USP42: variants seen among roughly 807,000 people sequenced by gnomAD.
USP42 encodes ubiquitin carboxyl-terminal hydrolase 42.
A neutral mutation model predicts 113.0 loss-of-function variants in USP42; 23 were observed. The observed-to-expected ratio is 0.20, with a 90% CI of 0.15 to 0.29. The LOEUF is 0.29. Among genes scored for constraint, USP42 ranks in the 10% least tolerant of loss-of-function variants. The probability of loss-of-function intolerance (pLI) is 1.00; values close to 1 mark genes in which losing one functional copy is unlikely to be tolerated. For synonymous variants in USP42, 933 were observed against 699.0 expected (o/e 1.33, Z -5.28); for missense variants, 2,174 against 1,779.8 (o/e 1.22, Z -3.99).
rs747536571 is a variant in USP42, at chr7:6,115,529, T to C, written c.442+6T>C. On this transcript the variant is annotated splice_donor_region_variant and intron_variant, in intron 3 of 17. Transcript: ENST00000306177. ...ACATGAACACTCCAAAACATGTAAG[T>C]GTTCCGTGTTGTGTTTGTAGTATTG... The C allele has an allele frequency of 5.6e-6, 9 of 1,613,904 alleles. No individual in the cohort carries two copies. Among genetic ancestry groups the C allele is most frequent in the Non-Finnish European group, 7.6e-6 (9 of 1,179,802 alleles).
chr7:6,161,189 A>AGTAT lies in USP42; in HGVS notation c.*674_*677dup, dbSNP rs1468906755. 1 of 152,660 alleles carries AGTAT rather than the reference A, an allele frequency of 6.6e-6. No individual in the cohort carries two copies. The highest frequency in any genetic ancestry group is 1.5e-5 in the Non-Finnish European group (1 of 68,048). 9.5% of individuals were successfully genotyped at this position (152,660 alleles called of 1,614,324 possible). On this transcript the variant is annotated 3_prime_UTR_variant, in exon 18 of 18. Transcript: ENST00000306177. ...CCCAGACATGATTTGTAAAGCCGAC[A>AGTAT]GTATGTTTCTATTACACAACACTTT...
rs777736697 is a variant in USP42, at chr7:6,154,452, C to T, written c.2898C>T (p.Ala966=). The change falls in exon 15 of 18, where the codon GCC becomes GCT. Residue 966 remains alanine, a synonymous_variant. Transcript: ENST00000306177. ...RRERSSSGEP[A]RESRSKTEGH... ...AGCGCTCGTCCAGCGGGGAGCCCGC[C>T]AGAGAGAGCAGGAGCAAGACTGAGG... 1 of 1,564,836 alleles carries T rather than the reference C, an allele frequency of 6.4e-7. No homozygotes were observed.
the USP42 span, chr7:6,088,678 A>T: frequency 6.6e-6 from 1 of 151,338 alleles, no homozygotes; most frequent in Non-Finnish European, 1.5e-5. Flanking sequence ...TTTCACCATT[A>T]GAATCTCCCT....
intron 3 of USP42, among the ~76,000 whole-genome samples, chr7:6,132,863 G>A (rs570786580): frequency 1.3e-5 from 2 of 152,104 alleles, no homozygotes; most frequent in Admixed American, 6.6e-5. Context: ...TAGTAGAGAC[G>A]GGGTTTCACC....
Position 6,140,068 on chromosome 7 carries a change from T to C in USP42, c.657-60T>C. The stretch of plus-strand genomic sequence containing the variant: ...GAGCTCCCATGTGTTTGAAATCTGG[T>C]CACAGCATCTGGAGTTTTTGCAAAG... On this transcript the variant is annotated intron_variant, in intron 5 of 17. Coordinates refer to ENST00000306177, the MANE Select transcript of USP42 (RefSeq NM_032172.3). 5 of 1,454,090 alleles carry C rather than the reference T, an allele frequency of 3.4e-6. No individual in the cohort carries two copies. The South Asian group carries it at 5.7e-5, about 17-fold the overall frequency. The allele number at this position is 1,454,090 out of a possible 1,614,324, so 90.1% of individuals were successfully genotyped here.
At chr7:6,146,107 A>G in intron 10 of USP42, 41 bp from the exon 11 acceptor site, 1 of 1,358,392 alleles carries the variant, frequency 7.4e-7, no homozygotes, top group Non-Finnish European at 1.0e-6. Flanking sequence ...TCCATGTTTA[A>G]TTAAATCTAA....
At chr7:6,133,615 G>T (rs1329672684) in intron 3 of USP42, among the ~76,000 whole-genome samples, 3 of 151,246 alleles carry the variant, frequency 2.0e-5, no homozygotes, top group Admixed American at 2.0e-4. Flanking sequence ...GCTGGGCTCA[G>T]GTGGTCCTCC....
At chr7:6,144,738 C>G (rs1781612800) in intron 9 of USP42, among the ~76,000 whole-genome samples, 1 of 151,920 alleles carries the variant, frequency 6.6e-6, no homozygotes, top group African/African-American at 2.4e-5. Context: ...GGTGTGGTGG[C>G]AGGCACTTGT....
At chr7:6,108,317 C>A (rs10261466) in intron 1 of USP42, among the ~76,000 whole-genome samples, 1 of 151,892 alleles carries the variant, frequency 6.6e-6, no homozygotes, top group Non-Finnish European at 1.5e-5. Flanking sequence ...GCAGGAGGAT[C>A]GTTTGAGGCC....
chr7:6,152,541 G>C (rs1782133150), intron 14 of USP42, among the ~76,000 whole-genome samples: 1 of 151,868 alleles, frequency 6.6e-6, no homozygotes, highest in Non-Finnish European at 1.5e-5. Context: ...TCTGTTAGGA[G>C]GGCGTAGATA....
At chr7:6,147,672 T>C (rs1336830400) in intron 11 of USP42, 67 bp from the exon 12 acceptor site, 1 of 1,485,620 alleles carries the variant, frequency 6.7e-7, no homozygotes. Context: ...TGCTGTTGAC[T>C]TTGTAAATGA....
At position 6,145,607 on chromosome 7, in the gene USP42, T is replaced by C; in HGVS notation, c.1082T>C (p.Val361Ala). Reference sequence around the variant, plus strand: ...GTCTACGTCTTGTATGCAGTGCTGGTCCACACTGGTTTTAATTGCCATGCT... The same window carrying C: ...GTCTACGTCTTGTATGCAGTGCTGGCCCACACTGGTTTTAATTGCCATGCT... ...PIVYVLYAVL[V>A]HTGFNCHAGH... The change falls in exon 10 of 18, where the codon GTC becomes GCC. Residue 361 changes from valine (V) to alanine (A), a missense_variant. By Grantham distance (64) the Val-to-Ala change is moderately conservative (BLOSUM62 0). Coordinates refer to ENST00000306177, the MANE Select transcript of USP42 (RefSeq NM_032172.3). 6.2e-7 allele frequency: 1 copy of C among 1,614,026 alleles called. No homozygotes were observed. The highest frequency in any genetic ancestry group is 8.5e-7 in the Non-Finnish European group (1 of 1,179,884).
intron 1 of USP42, among the ~76,000 whole-genome samples, chr7:6,107,559 G>A (rs1379665531): frequency 2.6e-5 from 4 of 151,704 alleles, no homozygotes; most frequent in African/African-American, 7.3e-5. Flanking sequence ...ACAGGCATGC[G>A]CCACCACGCC....
chr7:6,097,518 C>T, the USP42 span, among the ~76,000 whole-genome samples: 1 of 150,534 alleles, frequency 6.6e-6, no homozygotes, highest in African/African-American at 2.5e-5. Context: ...GTGATCCTCC[C>T]AGTTCAGTCT....
intron 3 of USP42, among the ~76,000 whole-genome samples, chr7:6,132,452 G>C (rs1257924566): frequency 6.6e-6 from 1 of 151,836 alleles, no homozygotes; most frequent in African/African-American, 2.4e-5. Flanking sequence ...CTGCCTCCCA[G>C]GTTCAAGTGA....
chr7:6,121,339 C>A (rs1439857988), intron 3 of USP42, among the ~76,000 whole-genome samples: 3 of 152,188 alleles, frequency 2.0e-5, no homozygotes, highest in African/African-American at 7.2e-5. Flanking sequence ...ACCAACCTTG[C>A]ATTCCTGAGA....
chr7:6,157,097 C>T lies in USP42; in HGVS notation c.3943+42C>T, dbSNP rs748018064. On this transcript the variant is annotated intron_variant, in intron 16 of 17. Coordinates refer to ENST00000306177, the MANE Select transcript of USP42 (RefSeq NM_032172.3). The surrounding 1 kb of genome is among the most constrained non-coding windows in gnomAD (Gnocchi z 4.1). ...GGAATTAGGAAGATAGAAACTATTT[C>T]TTAATACATTTTCTTTGCAAAGGTG... The T allele has an allele frequency of 2.6e-6, 4 of 1,512,352 alleles. No homozygotes were observed. Among genetic ancestry groups the T allele is most frequent in the Middle Eastern group, 1.8e-4 (1 of 5,698 alleles). The allele number at this position is 1,512,352 out of a possible 1,614,324, so 93.7% of individuals were successfully genotyped here.
intron 3 of USP42, among the ~76,000 whole-genome samples, chr7:6,125,058 G>A (rs1029477401): frequency 6.6e-6 from 1 of 151,626 alleles, no homozygotes; most frequent in Non-Finnish European, 1.5e-5. Flanking sequence ...GCTCATGCTT[G>A]TAATTCCAGT....
At chr7:6,121,403 C>G (rs1780218490) in intron 3 of USP42, among the ~76,000 whole-genome samples, 1 of 152,074 alleles carries the variant, frequency 6.6e-6, no homozygotes, top group Admixed American at 6.6e-5. Context: ...CTTTGATTTG[C>G]TAAAATTGTA....
Sources: allele counts gnomAD v4.1 joint callset (sites outside exome capture counted in the v4.1 genomes callset), GRCh38; gene constraint gnomAD v4.1.1; non-coding constraint Gnocchi (gnomAD v3.1); transcripts MANE v1.5; gene names NCBI Gene and HGNC (gene_info 2026-07-23, HGNC 2026-07-21).